Variants in CDH6 observed in about 807,000 individuals in gnomAD.
CDH6 encodes the protein cadherin-6.
CDH6 carries 31 observed loss-of-function variants against 78.0 expected under a neutral mutation model. The observed-to-expected ratio is 0.40, with a 90% confidence interval of 0.30 to 0.54. CDH6 has a LOEUF of 0.54. CDH6 is among the 20% of genes least tolerant of loss of function. The pLI is 0.56. For missense variants in CDH6, 724 were observed against 975.9 expected (o/e 0.74, Z 3.44); for synonymous variants, 376 against 368.8 (o/e 1.02, Z -0.23).
intron 1 of CDH6, among the ~76,000 whole-genome samples, chr5:31,221,320 A>G (rs1740998755): frequency 6.6e-6 from 1 of 152,174 alleles, no homozygotes; most frequent in Non-Finnish European, 1.5e-5. Context: ...TTCATAGGCC[A>G]GAACCAGAAA....
chr5:31,269,149 G>A (rs1742447607), intron 2 of CDH6, among the ~76,000 whole-genome samples: 1 of 151,866 alleles, frequency 6.6e-6, no homozygotes, highest in South Asian at 2.1e-4. Flanking sequence ...TAGCATTGTT[G>A]CCATAGAAGA....
At chr5:31,278,599 C>T (rs566793213) in intron 2 of CDH6, among the ~76,000 whole-genome samples, 7 of 152,200 alleles carry the variant, frequency 4.6e-5, no homozygotes, top group African/African-American at 1.2e-4. Flanking sequence ...ATTGTACAGA[C>T]AATTCAAGTG....
chr5:31,273,497 G>T (rs1280329972), intron 2 of CDH6, among the ~76,000 whole-genome samples: 3 of 152,058 alleles, frequency 2.0e-5, no homozygotes, highest in African/African-American at 7.2e-5. Flanking sequence ...GTAAACTAAG[G>T]CTCAGAGCAG....
intron 1 of CDH6, among the ~76,000 whole-genome samples, chr5:31,200,352 C>T (rs541924672): frequency 1.3e-5 from 2 of 152,110 alleles, no homozygotes; most frequent in Admixed American, 1.3e-4. Flanking sequence ...CCTCACAGCA[C>T]CCACTAAGGG....
intron 6 of CDH6, among the ~76,000 whole-genome samples, chr5:31,302,902 A>AG (rs1561066314): frequency 1.1e-4 from 15 of 135,818 alleles, no homozygotes; most frequent in Middle Eastern, 3.5e-3. Flanking sequence ...AAAGAAAGAA[A>AG]AAAAGAAAGA....
intron 8 of CDH6, among the ~76,000 whole-genome samples, chr5:31,314,156 AT>A (rs902122542): frequency 6.6e-6 from 1 of 152,052 alleles, no homozygotes; most frequent in Non-Finnish European, 1.5e-5. Context: ...TCTTTTTTTA[AT>A]TTTTTTATTA....
chr5:31,212,762 GCACA>G (rs72457836), intron 1 of CDH6, among the ~76,000 whole-genome samples: 300 of 148,246 alleles, frequency 2.0e-3, no homozygotes, highest in Non-Finnish European at 3.1e-3. Context: ...ACATGAACGT[GCACA>G]CACACACACA....
chr5:31,206,124 A>AATAG (rs1168677774), intron 1 of CDH6, among the ~76,000 whole-genome samples: 1 of 145,656 alleles, frequency 6.9e-6, no homozygotes, highest in Non-Finnish European at 1.5e-5. Flanking sequence ...GAGATCATAG[A>AATAG]ATAGATAGAT....
intron 2 of CDH6, among the ~76,000 whole-genome samples, chr5:31,272,414 C>A (rs1399068370): frequency 6.6e-6 from 1 of 152,078 alleles, no homozygotes. Context: ...AGAGGGAAGC[C>A]TTATAATTCC....
chr5:31,252,764 G>GT (rs71636867), intron 1 of CDH6, among the ~76,000 whole-genome samples: 7,429 of 146,786 alleles, frequency 0.051, 571 homozygotes, highest in African/African-American at 0.16. Context: ...AGAGCTTTTT[G>GT]TTTTTTTTTT....
At chr5:31,198,890 C>G (rs1203332119) in intron 1 of CDH6, among the ~76,000 whole-genome samples, 3 of 152,096 alleles carry the variant, frequency 2.0e-5, no homozygotes, top group African/African-American at 7.2e-5. Flanking sequence ...AAATCACCAT[C>G]TAAGGGAGGT....
chr5:31,202,123 A>G (rs1269399763), intron 1 of CDH6, among the ~76,000 whole-genome samples: 4 of 152,108 alleles, frequency 2.6e-5, no homozygotes, highest in African/African-American at 9.7e-5. Flanking sequence ...TTTTTTTCTA[A>G]AAGTGAACTT....
At chr5:31,242,255 C>T (rs1741623665) in intron 1 of CDH6, among the ~76,000 whole-genome samples, 2 of 152,160 alleles carry the variant, frequency 1.3e-5, no homozygotes, top group Admixed American at 1.3e-4. Context: ...ATGAGAACTA[C>T]CATTCTAACT....
chr5:31,233,533 A>AC (rs2111858301), intron 1 of CDH6, among the ~76,000 whole-genome samples: 1 of 144,084 alleles, frequency 6.9e-6, no homozygotes, highest in South Asian at 2.2e-4. Context: ...AAAACAAAAC[A>AC]AAAACTTTGC....
At chr5:31,287,782 TG>T (rs1338552666) in intron 2 of CDH6, among the ~76,000 whole-genome samples, 1 of 152,192 alleles carries the variant, frequency 6.6e-6, no homozygotes, top group Non-Finnish European at 1.5e-5. Context: ...TGGAGGTAGG[TG>T]GGGCCAGAAA....
At chr5:31,272,944 T>C (rs369740962) in intron 2 of CDH6, among the ~76,000 whole-genome samples, 3 of 152,172 alleles carry the variant, frequency 2.0e-5, no homozygotes, top group African/African-American at 4.8e-5. Context: ...TGGGTTCTAT[T>C]TGAGGCCTTA....
Position 31,317,864 on chromosome 5 carries a change from C to A in CDH6, c.1822C>A (p.Pro608Thr). The change falls in exon 11 of 12, where the codon CCC becomes ACC. Residue 608 changes from proline (P) to threonine (T), a missense_variant. Transcript: ENST00000265071. ...QSCHAEALIH[P>T]TGLSTGALVA... ...CTGCCATGCGGAGGCGCTCATCCACCCCACGGGACTGAGCACGGGGGCTCT... is the reference window on the plus strand; with the variant it reads ...CTGCCATGCGGAGGCGCTCATCCACACCACGGGACTGAGCACGGGGGCTCT... 1 of 1,614,022 alleles carries A rather than the reference C, an allele frequency of 6.2e-7. No homozygotes were observed. The highest frequency in any genetic ancestry group is 8.5e-7 in the Non-Finnish European group (1 of 1,179,932).
chr5:31,250,635 G>A (rs1360427419), intron 1 of CDH6: 1 of 152,364 alleles, frequency 6.6e-6, no homozygotes, highest in Admixed American at 6.5e-5. Context: ...GCAATCCTAA[G>A]CACCAGTTGC....
At chr5:31,264,970 C>G (rs1742302221) in intron 1 of CDH6, among the ~76,000 whole-genome samples, 1 of 152,182 alleles carries the variant, frequency 6.6e-6, no homozygotes, top group East Asian at 1.9e-4. Context: ...TCTAAAACGG[C>G]CTTCAGGAGT....
Sources: allele counts gnomAD v4.1 joint callset (sites outside exome capture counted in the v4.1 genomes callset), GRCh38; gene constraint gnomAD v4.1.1; transcripts MANE v1.5; gene names NCBI Gene and HGNC (gene_info 2026-07-23, HGNC 2026-07-21).